SOX6: variants seen among roughly 807,000 people sequenced by gnomAD.
SOX6 encodes SRY-box transcription factor 6.
Under a neutral mutation model 97.8 loss-of-function variants are expected in SOX6, and 11 were observed. The ratio of observed to expected loss-of-function variants is 0.11; its 90% CI spans 0.07 to 0.19. SOX6 has a LOEUF of 0.19. Among genes scored for constraint, SOX6 ranks in the 10% least tolerant of loss-of-function variants. The probability of loss-of-function intolerance (pLI) is 1.00; values close to 1 mark genes in which losing one functional copy is unlikely to be tolerated. For synonymous variants in SOX6, 360 were observed against 371.4 expected (o/e 0.97, Z 0.35); for missense variants, 810 against 1,039.5 (o/e 0.78, Z 3.04).
chr11:16,023,805 A>G (rs1407084976), intron 12 of SOX6, among the ~76,000 whole-genome samples: 2 of 152,210 alleles, frequency 1.3e-5, no homozygotes. Flanking sequence ...CCTCCTGAGA[A>G]ACAAGAACAT....
intron 15 of SOX6, among the ~76,000 whole-genome samples, chr11:15,978,775 A>C (rs1463551421): frequency 7.2e-6 from 1 of 139,710 alleles, no homozygotes; most frequent in Non-Finnish European, 1.5e-5. Context: ...ATTTAGGAGC[A>C]AAGGGCTCAC....
intron 1 of SOX6, chr11:16,402,511 C>A: frequency 1.3e-6 from 1 of 776,894 alleles, no homozygotes; most frequent in Non-Finnish European, 2.2e-6. Context: ...CATTAGAGAG[C>A]TTCCCAGAGA....
chr11:16,436,992 C>T (rs1192685872), intron 1 of SOX6, among the ~76,000 whole-genome samples: 1 of 151,796 alleles, frequency 6.6e-6, no homozygotes, highest in Admixed American at 6.6e-5. Flanking sequence ...TGTGGTGGCT[C>T]AAACCTGTAA....
At chr11:16,212,631 G>A (rs1852261856) in intron 4 of SOX6, among the ~76,000 whole-genome samples, 1 of 152,116 alleles carries the variant, frequency 6.6e-6, no homozygotes, top group Non-Finnish European at 1.5e-5. Flanking sequence ...AATGCATAGA[G>A]TATGTGCATC....
intron 4 of SOX6, among the ~76,000 whole-genome samples, chr11:16,518,978 A>G (rs558884592): frequency 1.3e-5 from 2 of 152,268 alleles, no homozygotes; most frequent in African/African-American, 2.4e-5. Flanking sequence ...CAAAGTATAT[A>G]CTATTCATAT....
intron 13 of SOX6, among the ~76,000 whole-genome samples, chr11:15,994,840 T>C (rs890222168): frequency 6.6e-6 from 1 of 151,884 alleles, no homozygotes; most frequent in African/African-American, 2.4e-5. Flanking sequence ...AAATATAAAC[T>C]CTGAACAAAA....
intron 9 of SOX6, among the ~76,000 whole-genome samples, chr11:16,060,823 G>A (rs573249230): frequency 6.6e-6 from 1 of 151,914 alleles, no homozygotes; most frequent in East Asian, 1.9e-4. Flanking sequence ...GTGTTTATCA[G>A]TATTTTAAAC....
chr11:16,348,907 A>C (rs968173686), intron 1 of SOX6, among the ~76,000 whole-genome samples: 1 of 152,104 alleles, frequency 6.6e-6, no homozygotes, highest in African/African-American at 2.4e-5. Flanking sequence ...ATATCTCTAC[A>C]CAAGTTTAGA....
chr11:16,707,836 T>TTTTTCAGA (rs1590059467), intron 3 of SOX6, among the ~76,000 whole-genome samples: 2 of 152,150 alleles, frequency 1.3e-5, no homozygotes, highest in Admixed American at 6.5e-5. Context: ...CTTAATCCAC[T>TTTTTCAGA]TTTTCAGATT....
intron 2 of SOX6, among the ~76,000 whole-genome samples, chr11:16,331,300 A>G (rs183960390): frequency 6.6e-6 from 1 of 152,298 alleles, no homozygotes; most frequent in East Asian, 1.9e-4. Flanking sequence ...TCAGAGCCCA[A>G]TCAAGGTTTG....
intron 3 of SOX6, among the ~76,000 whole-genome samples, chr11:16,261,562 ATTC>A (rs1484854856): frequency 6.6e-6 from 1 of 151,990 alleles, no homozygotes; most frequent in Non-Finnish European, 1.5e-5. Context: ...CCACCAGGAA[ATTC>A]TTCTGGGGTA....
rs1853763599 is a variant in SOX6, at chr11:15,984,452, C to A, written c.2183+1752G>T. Among the ~76,000 whole-genome samples the A allele has an allele frequency of 2.0e-5, 3 of 152,156 alleles. No individual in the cohort carries two copies. The South Asian group carries it at 6.2e-4, about 32-fold the overall frequency. ...AATCACAAGAGGTCCCAAACTTAAA[C>A]TTTGGATTGTTCAAAAGAGATTATA... On this transcript the variant is annotated intron_variant, in intron 15 of 15. Transcript: ENST00000683767.
At chr11:16,040,402 A>T (rs1283150985) in intron 12 of SOX6, among the ~76,000 whole-genome samples, 11 of 152,058 alleles carry the variant, frequency 7.2e-5, no homozygotes. Flanking sequence ...TAATGATTAC[A>T]TTCAGCCAGG....
At chr11:16,110,750 C>G (rs1849209703) in intron 7 of SOX6, among the ~76,000 whole-genome samples, 1 of 152,160 alleles carries the variant, frequency 6.6e-6, no homozygotes, top group Non-Finnish European at 1.5e-5. Flanking sequence ...GCAATTAAAA[C>G]AGATGCTAAA....
chr11:16,606,242 T>C (rs62753961), intron 4 of SOX6, among the ~76,000 whole-genome samples: 1 of 147,236 alleles, frequency 6.8e-6, no homozygotes, highest in Admixed American at 6.7e-5. Context: ...TTTTTTTTTT[T>C]CCTTTATATC....
intron 4 of SOX6, among the ~76,000 whole-genome samples, chr11:16,522,372 G>T (rs532089397): frequency 4.9e-4 from 74 of 152,030 alleles, no homozygotes; most frequent in African/African-American, 1.8e-3. Flanking sequence ...TTCATATCCA[G>T]CCAAACTAAG....
At chr11:16,020,317 T>G (rs778110299) in intron 12 of SOX6, among the ~76,000 whole-genome samples, 10 of 152,030 alleles carry the variant, frequency 6.6e-5, no homozygotes, top group Non-Finnish European at 1.3e-4. Context: ...CACACACCTA[T>G]CTCACTGCTG....
chr11:16,472,320 A>G (rs1860152958), intron 1 of SOX6, among the ~76,000 whole-genome samples: 1 of 152,232 alleles, frequency 6.6e-6, no homozygotes, highest in Non-Finnish European at 1.5e-5. Flanking sequence ...AAAAAGAGAC[A>G]AAGCAACTAA....
chr11:16,660,222 C>T (rs1391181920), intron 3 of SOX6, among the ~76,000 whole-genome samples: 1 of 151,992 alleles, frequency 6.6e-6, no homozygotes, highest in Non-Finnish European at 1.5e-5. Flanking sequence ...TTATTTAGAG[C>T]TTTCTTTTTT....
Sources: allele counts gnomAD v4.1 joint callset (sites outside exome capture counted in the v4.1 genomes callset), GRCh38; gene constraint gnomAD v4.1.1; transcripts MANE v1.5; gene names NCBI Gene and HGNC (gene_info 2026-07-23, HGNC 2026-07-21).